Variants in FSTL5 observed in about 807,000 individuals in gnomAD.
The protein encoded by FSTL5 is follistatin-related protein 5.
In FSTL5, 62 loss-of-function variants were observed where a neutral mutation model predicts 89.1. The observed-to-expected ratio is 0.70, with a 90% CI of 0.57 to 0.86. FSTL5 has a LOEUF of 0.86. Among genes scored for constraint, FSTL5 ranks in the 40% least tolerant of loss-of-function variants. The probability of loss-of-function intolerance (pLI) is 0.00; values close to 1 mark genes in which losing one functional copy is unlikely to be tolerated. For synonymous variants in FSTL5, 383 were observed against 346.2 expected, an observed-to-expected ratio of 1.11 and a Z score of -1.18; for missense variants, 1,057 against 1,001.6, an observed-to-expected ratio of 1.06 and a Z score of -0.75.
At chr4:161,692,341 C>CAT (rs35226602) in intron 6 of FSTL5, among the ~76,000 whole-genome samples, 3 of 148,852 alleles carry the variant, frequency 2.0e-5, no homozygotes, top group African/African-American at 4.9e-5. Flanking sequence ...ATATGGAGAT[C>CAT]GTGTGTGTGT....
chr4:162,129,018 G>A (rs543796319), intron 1 of FSTL5, among the ~76,000 whole-genome samples: 6 of 124,200 alleles, frequency 4.8e-5, no homozygotes, highest in Non-Finnish European at 5.0e-5. Context: ...TCCGGCTCCC[G>A]GGTTCAAGCG....
chr4:161,694,694 T>C (rs1028852197), intron 6 of FSTL5, among the ~76,000 whole-genome samples: 17 of 152,124 alleles, frequency 1.1e-4, no homozygotes, highest in Non-Finnish European at 2.2e-4. Flanking sequence ...GTTTCTTTTA[T>C]GTTTTACAAT....
intron 2 of FSTL5, among the ~76,000 whole-genome samples, chr4:162,074,249 A>G (rs201964216): frequency 6.6e-6 from 1 of 151,756 alleles, no homozygotes; most frequent in East Asian, 1.9e-4. Context: ...AGCTACATTT[A>G]TTATTTTTGT....
At chr4:161,482,371 T>G (rs1729542691) in intron 12 of FSTL5, among the ~76,000 whole-genome samples, 1 of 151,240 alleles carries the variant, frequency 6.6e-6, no homozygotes, top group Admixed American at 6.7e-5. Context: ...AATGTAATGA[T>G]AAACAATTAT....
At chr4:162,143,857 A>G (rs1008102703) in intron 1 of FSTL5, among the ~76,000 whole-genome samples, 3 of 151,838 alleles carry the variant, frequency 2.0e-5, no homozygotes, top group Non-Finnish European at 4.4e-5. Context: ...ATACCTTTGC[A>G]GAGTTTCCAA....
rs115102465 is a variant in FSTL5, at chr4:161,773,046, C to T, written c.606+2832G>A. The stretch of plus-strand genomic sequence containing the variant: ...GAGAGCTCAGAAATAAAGCCAAATA[C>T]TTACAGCCAGTGATCTTTGACAAAG... On this transcript the variant is annotated intron_variant, in intron 5 of 15. Transcript: ENST00000306100. Among the ~76,000 whole-genome samples the T allele has an allele frequency of 5.5e-3, 836 of 152,212 alleles. 9 individuals carry two copies. The highest frequency in any genetic ancestry group is 0.019 in the African/African-American group (794 of 41,546).
intron 6 of FSTL5, among the ~76,000 whole-genome samples, chr4:161,688,571 G>A (rs1737820745): frequency 6.6e-6 from 1 of 152,146 alleles, no homozygotes; most frequent in Non-Finnish European, 1.5e-5. Flanking sequence ...TGGAAGGTTG[G>A]CAAAGAGATT....
At chr4:161,499,287 A>G (rs1187920541) in intron 12 of FSTL5, among the ~76,000 whole-genome samples, 2 of 152,222 alleles carry the variant, frequency 1.3e-5, no homozygotes, top group East Asian at 1.9e-4. Flanking sequence ...CCAAAATGGT[A>G]AGAATTTTAC....
At chr4:162,123,310 G>T (rs1232133798) in intron 1 of FSTL5, among the ~76,000 whole-genome samples, 5 of 152,122 alleles carry the variant, frequency 3.3e-5, no homozygotes, top group African/African-American at 1.2e-4. Context: ...AAGTTTCAGA[G>T]GAATTCTAGT....
At chr4:161,797,343 A>T (rs1189220392) in intron 4 of FSTL5, among the ~76,000 whole-genome samples, 1 of 151,626 alleles carries the variant, frequency 6.6e-6, no homozygotes, top group Non-Finnish European at 1.5e-5. Context: ...TGTTTCTCTC[A>T]ATTGGGTTAA....
intron 6 of FSTL5, among the ~76,000 whole-genome samples, chr4:161,661,055 G>T (rs996934948): frequency 1.9e-4 from 29 of 152,130 alleles, no homozygotes; most frequent in African/African-American, 7.0e-4. Flanking sequence ...CATCGTGGAA[G>T]ACGGTATGGC....
chr4:161,590,279 C>A (rs1056568149), intron 7 of FSTL5, among the ~76,000 whole-genome samples: 3 of 152,164 alleles, frequency 2.0e-5, no homozygotes, highest in South Asian at 2.1e-4. Context: ...GTAGCTCACA[C>A]CTGTAATCCC....
chr4:162,044,691 T>C (rs1383598916), intron 2 of FSTL5, among the ~76,000 whole-genome samples: 1 of 152,206 alleles, frequency 6.6e-6, no homozygotes, highest in East Asian at 1.9e-4. Context: ...TCTTGTTCAG[T>C]GTAGCCACCT....
chr4:161,794,642 CT>C (rs1366999433), intron 4 of FSTL5, among the ~76,000 whole-genome samples: 1 of 152,088 alleles, frequency 6.6e-6, no homozygotes, highest in Non-Finnish European at 1.5e-5. Context: ...CTTTAACATC[CT>C]TTTCCTAAAT....
At chr4:161,732,839 CTAT>C (rs1017549950) in intron 6 of FSTL5, among the ~76,000 whole-genome samples, 1 of 150,768 alleles carries the variant, frequency 6.6e-6, no homozygotes, top group Non-Finnish European at 1.5e-5. Flanking sequence ...TTAGTCTCTT[CTAT>C]TATTCTATAT....
chr4:161,716,720 C>T (rs1339842788), intron 6 of FSTL5, among the ~76,000 whole-genome samples: 1 of 152,108 alleles, frequency 6.6e-6, no homozygotes, highest in Non-Finnish European at 1.5e-5. Context: ...GTTTCTTTCA[C>T]TCTCTCCACC....
chr4:161,422,047 C>G (rs751657935), intron 15 of FSTL5, among the ~76,000 whole-genome samples: 2 of 151,366 alleles, frequency 1.3e-5, no homozygotes, highest in Non-Finnish European at 2.9e-5. Context: ...ATATTATATA[C>G]GGCATATATA....
In FSTL5 at chr4:161,385,695, T is replaced by G; in HGVS notation, c.*52A>C. The G allele has an allele frequency of 8.0e-7, 1 of 1,244,248 alleles. No individual in the cohort carries two copies. The highest frequency in any genetic ancestry group is 1.1e-6 in the Non-Finnish European group (1 of 888,244). The allele number at this position is 1,244,248 out of a possible 1,614,324, so 77.1% of individuals were successfully genotyped here. ...TAAGTTGTAAATTTAAACAATGGAT[T>G]AAGTGCAATGTATTGTAAAACGCTT... On this transcript the variant is annotated 3_prime_UTR_variant, in exon 16 of 16. Coordinates refer to ENST00000306100, the MANE Select transcript of FSTL5 (RefSeq NM_020116.5).
At chr4:162,152,347 T>A (rs1178272215) in intron 1 of FSTL5, among the ~76,000 whole-genome samples, 4 of 152,208 alleles carry the variant, frequency 2.6e-5, no homozygotes, top group African/African-American at 9.6e-5. Context: ...CAGGAAAATC[T>A]TTGGCACAAT....
Sources: allele counts gnomAD v4.1 joint callset (sites outside exome capture counted in the v4.1 genomes callset), GRCh38; gene constraint gnomAD v4.1.1; transcripts MANE v1.5; gene names NCBI Gene and HGNC (gene_info 2026-07-23, HGNC 2026-07-21).